Variants in CCM2L observed in about 807,000 individuals in gnomAD.
CCM2L encodes cerebral cavernous malformations 2 protein-like.
A neutral mutation model predicts 54.1 loss-of-function variants in CCM2L; 36 were observed. That is an observed-to-expected ratio of 0.67 (90% CI 0.51 to 0.88). CCM2L has a LOEUF of 0.88. CCM2L is among the 40% of genes least tolerant of loss of function. The pLI, the probability that CCM2L is intolerant of heterozygous loss-of-function variation, is 0.00. For missense variants in CCM2L, 700 were observed against 812.1 expected (o/e 0.86, Z 1.68); for synonymous variants, 351 against 359.3 (o/e 0.98, Z 0.26).
intron 6 of CCM2L, among the ~76,000 whole-genome samples, chr20:32,024,984 C>T (rs1475533581): frequency 2.0e-5 from 3 of 152,200 alleles, no homozygotes; most frequent in African/African-American, 7.2e-5. Flanking sequence ...CGCAAGCTCT[C>T]CGTACTTGGT....
At chr20:32,017,066 T>C (rs1600674355) in intron 2 of CCM2L, among the ~76,000 whole-genome samples, 1 of 152,280 alleles carries the variant, frequency 6.6e-6, no homozygotes, top group East Asian at 1.9e-4. Context: ...GAGAATCGCT[T>C]GAACCCGGGA....
chr20:32,025,246 CTTTT>C (rs1457710539), intron 6 of CCM2L, among the ~76,000 whole-genome samples: 1 of 94,074 alleles, frequency 1.1e-5, no homozygotes, highest in Non-Finnish European at 2.3e-5. Context: ...TTCTTTCTTT[CTTTT>C]TCTTTTCTTT....
chr20:32,018,957 C>T lies in CCM2L; in HGVS notation c.481C>T (p.Pro161Ser), dbSNP rs1232354800. The change falls in exon 5 of 10, where the codon CCG becomes TCG. Residue 161 changes from proline (P) to serine (S), a missense_variant. By Grantham distance (74) the Pro-to-Ser change is moderately conservative. Transcript: ENST00000452892. ...GACTCTCCTAGGTCTGGGTGTGGAC[C>T]CGGTGCCGGCCGGCGTGGATGCCAG... The part of the protein sequence containing the change: ...LVLKTGLGVD[P>S]VPAGVDASPG... The T allele has an allele frequency of 2.1e-6, 3 of 1,400,456 alleles. No individual in the cohort carries two copies. The highest frequency in any genetic ancestry group is 3.1e-5 in the Admixed American group (1 of 31,854). 86.8% of individuals were successfully genotyped at this position (1,400,456 alleles called of 1,614,324 possible). A position where few individuals can be genotyped will look rare whatever the true frequency, so the allele number is the denominator to read the frequency against.
chr20:32,018,834 G>A, intron 4 of CCM2L, 109 bp from the exon 5 acceptor site: 52 of 1,175,836 alleles, frequency 4.4e-5, no homozygotes, highest in Admixed American at 8.9e-5. Flanking sequence ...GGGGCGAGGC[G>A]GCGGTGGAAC....
intron 9 of CCM2L, 148 bp from the exon 10 acceptor site, chr20:32,030,853 T>C: frequency 4.2e-6 from 2 of 472,772 alleles, no homozygotes; most frequent in Non-Finnish European, 7.0e-6. Context: ...CGTTATTCGC[T>C]GGCTCAGACA....
At position 32,019,401 on chromosome 20, in the gene CCM2L, G is replaced by C; in HGVS notation, c.925G>C (p.Ala309Pro). Residue 309 changes from alanine to proline, a missense_variant, in exon 5 of 10, where the codon GCC becomes CCC. Ala to Pro is a conservative substitution (Grantham distance 27). Coordinates refer to ENST00000452892, the MANE Select transcript of CCM2L (RefSeq NM_001365692.1). Reference protein sequence around the residue: ...AYCNLVILAVANRDAAEESCA... With the variant: ...AYCNLVILAVPNRDAAEESCA... ...CTGCAACCTGGTCATCCTGGCTGTAGCCAACAGGGTGAGCCCGAGGGCAGC... is the reference window on the plus strand; with the variant it reads ...CTGCAACCTGGTCATCCTGGCTGTACCCAACAGGGTGAGCCCGAGGGCAGC... 4 of 1,528,348 alleles carry C rather than the reference G, an allele frequency of 2.6e-6. No homozygotes were observed. The highest frequency in any genetic ancestry group is 3.5e-6 in the Non-Finnish European group (4 of 1,146,118). 94.7% of individuals were successfully genotyped at this position (1,528,348 alleles called of 1,614,324 possible).
chr20:32,019,448 G>C (rs761656143), intron 5 of CCM2L, 39 bp downstream of exon 5: 248 of 1,411,382 alleles, frequency 1.8e-4, no homozygotes, highest in Non-Finnish European at 2.2e-4. Flanking sequence ...GCCCGGCTTC[G>C]GGAACGCTGC....
chr20:32,021,220 C>T (rs1284841437), intron 5 of CCM2L, among the ~76,000 whole-genome samples: 1 of 152,194 alleles, frequency 6.6e-6, no homozygotes, highest in Non-Finnish European at 1.5e-5. Context: ...CTTACAATTG[C>T]TTACAAGGCC....
intron 1 of CCM2L, among the ~76,000 whole-genome samples, chr20:32,014,503 T>A (rs1439393202): frequency 6.6e-6 from 1 of 152,092 alleles, no homozygotes; most frequent in Non-Finnish European, 1.5e-5. Flanking sequence ...TGACCTCAAG[T>A]GATCCACCCG....
chr20:32,019,193 A>G lies in CCM2L; in HGVS notation c.717A>G (p.Arg239=), dbSNP rs2064775441. ...AGARASGSWE[R]RQTFSGSWER... ...CGCGGGCGTCGGGCAGCTGGGAGCG[A>G]CGGCAGACGTTCAGCGGCAGCTGGG... The change falls in exon 5 of 10, where the codon CGA becomes CGG. Residue 239 remains arginine, a synonymous_variant. Coordinates refer to ENST00000452892, the MANE Select transcript of CCM2L (RefSeq NM_001365692.1). 8.9e-7 allele frequency: 1 copy of G among 1,129,852 alleles called. No individual in the cohort carries two copies. Among genetic ancestry groups the G allele is most frequent in the Non-Finnish European group, 1.1e-6 (1 of 908,796 alleles). 70.0% of individuals were successfully genotyped at this position (1,129,852 alleles called of 1,614,324 possible). A position where few individuals can be genotyped will look rare whatever the true frequency, so the allele number is the denominator to read the frequency against.
chr20:32,011,269 C>T (rs1263439182), intron 1 of CCM2L, among the ~76,000 whole-genome samples: 1 of 152,036 alleles, frequency 6.6e-6, no homozygotes, highest in African/African-American at 2.4e-5. Flanking sequence ...TATTATGCAC[C>T]AGGTATTTCT....
rs1239414385 is a variant in CCM2L, at chr20:32,017,820, G to T, written c.219G>T (p.Trp73Cys). ...TCCAGTTCCTGGGCCACCTTACCTG[G>T]GTGACTTCCTCACTGAACCCCTCCA... ...KEVKFLGHLT[W>C]VTSSLNPSSR... Residue 73 changes from tryptophan (W) to cysteine (C), a missense_variant, in exon 3 of 10, where the codon TGG (tryptophan) becomes TGT (cysteine). By Grantham distance (215) the Trp-to-Cys change is radical (BLOSUM62 -2). Transcript: ENST00000452892. 1.2e-6 allele frequency: 2 copies of T among 1,614,036 alleles called. No individual in the cohort carries two copies. The highest frequency in any genetic ancestry group is 3.3e-5 in the Admixed American group (2 of 59,992).
At chr20:32,014,412 C>A (rs1415090301) in intron 1 of CCM2L, among the ~76,000 whole-genome samples, 1 of 151,808 alleles carries the variant, frequency 6.6e-6, no homozygotes, top group Non-Finnish European at 1.5e-5. Context: ...ATTACAGGCT[C>A]CTGGCACAAC....
rs2064753840 is a variant in CCM2L, at chr20:32,017,895, G to C, written c.282+12G>C. Reference sequence around the variant, plus strand: ...TAGACACCGCCAGGGTGAGACTCTGGGGAGGGAGGAGGGCAGGATCTCGCT... The same window carrying C: ...TAGACACCGCCAGGGTGAGACTCTGCGGAGGGAGGAGGGCAGGATCTCGCT... On this transcript the variant is annotated intron_variant, in intron 3 of 9. Coordinates refer to ENST00000452892, the MANE Select transcript of CCM2L (RefSeq NM_001365692.1). 1.2e-6 allele frequency: 2 copies of C among 1,613,828 alleles called. No individual in the cohort carries two copies. Among genetic ancestry groups the C allele is most frequent in the Admixed American group, 3.3e-5 (2 of 60,006 alleles).
chr20:32,020,918 A>G (rs1340254544), intron 5 of CCM2L, among the ~76,000 whole-genome samples: 1 of 152,124 alleles, frequency 6.6e-6, no homozygotes, highest in Non-Finnish European at 1.5e-5. Flanking sequence ...CAGGAGGTAG[A>G]CCGCACCACT....
rs145525031 is a variant in CCM2L, at chr20:32,031,444, T to C, written c.*130T>C. On this transcript the variant is annotated 3_prime_UTR_variant, in exon 10 of 10. Coordinates refer to ENST00000452892, the MANE Select transcript of CCM2L (RefSeq NM_001365692.1). ...GGGGGTCTTCACTCCAGGGTCTCGCTCCCTGCCCTTGGGGCCCGGGGCCAT... is the reference window on the plus strand; with the variant it reads ...GGGGGTCTTCACTCCAGGGTCTCGCCCCCTGCCCTTGGGGCCCGGGGCCAT... 3.4e-5 allele frequency: 25 copies of C among 732,474 alleles called. No individual in the cohort carries two copies. Among genetic ancestry groups the C allele is most frequent in the South Asian group, 2.8e-4 (15 of 54,292 alleles). The allele number at this position is 732,474 out of a possible 1,614,324, so 45.4% of individuals were successfully genotyped here.
chr20:32,017,126 T>G (rs954774128), intron 2 of CCM2L, among the ~76,000 whole-genome samples: 1 of 152,184 alleles, frequency 6.6e-6, no homozygotes, highest in East Asian at 1.9e-4. Context: ...CCAGCCTGAG[T>G]GACACTGAGA....
At position 32,019,370 on chromosome 20, in the gene CCM2L, C is replaced by A; in HGVS notation, c.894C>A (p.Asp298Glu). ...TCGACCCGCAGGACCCCAGCCCCGA[C>A]GCCTACTGCAACCTGGTCATCCTGG... ...NPLDPQDPSP[D>E]AYCNLVILAV... The change falls in exon 5 of 10, where the codon GAC (aspartate) becomes GAA (glutamate). Residue 298 changes from aspartate to glutamate, a missense_variant. Transcript: ENST00000452892. 1.3e-6 allele frequency: 2 copies of A among 1,523,276 alleles called. No individual in the cohort carries two copies. The highest frequency in any genetic ancestry group is 1.7e-6 in the Non-Finnish European group (2 of 1,143,640). 94.4% of individuals were successfully genotyped at this position (1,523,276 alleles called of 1,614,324 possible).
At chr20:32,029,230 T>TA in intron 8 of CCM2L, 106 bp downstream of exon 8, 1 of 1,490,888 alleles carries the variant, frequency 6.7e-7, no homozygotes, top group Non-Finnish European at 9.2e-7. Context: ...GCAGAAGACA[T>TA]CAGAGGTCAG....
Sources: gnomAD v4.1 joint callset for allele counts (sites outside exome capture counted in the v4.1 genomes callset) on GRCh38, gnomAD v4.1.1 for gene constraint, MANE v1.5 for transcripts, NCBI Gene and HGNC (gene_info 2026-07-23, HGNC 2026-07-21) for gene names.